CNOT4: variants seen among roughly 807,000 people sequenced by gnomAD.
CNOT4 encodes CCR4-associated factor 4.
A neutral mutation model predicts 73.8 loss-of-function variants in CNOT4; 8 were observed. The ratio of observed to expected loss-of-function variants is 0.11; its 90% confidence interval spans 0.06 to 0.20. The LOEUF is 0.20. Among genes scored for constraint, CNOT4 ranks in the 10% least tolerant of loss-of-function variants. CNOT4 has a pLI of 1.00. For synonymous variants in CNOT4, 293 were observed against 321.1 expected (o/e 0.91, Z 0.94); for missense variants, 564 against 883.4 (o/e 0.64, Z 4.58).
chr7:135,442,322 G>A (rs994310638), intron 1 of CNOT4, among the ~76,000 whole-genome samples: 1 of 152,166 alleles, frequency 6.6e-6, no homozygotes, highest in Non-Finnish European at 1.5e-5. Context: ...ACAGGGCGGC[G>A]CGGTGGCTCA....
intron 10 of CNOT4, among the ~76,000 whole-genome samples, chr7:135,368,340 A>C (rs1255944061): frequency 6.6e-6 from 1 of 152,162 alleles, no homozygotes; most frequent in Non-Finnish European, 1.5e-5. Context: ...AATCAGTATA[A>C]AATGCATATA....
At chr7:135,496,154 G>A (rs1052867569) in intron 1 of CNOT4, among the ~76,000 whole-genome samples, 2 of 151,510 alleles carry the variant, frequency 1.3e-5, no homozygotes, top group East Asian at 2.1e-4. Flanking sequence ...GTGCAGTGGC[G>A]CAATCTCCAC....
At chr7:135,462,986 T>A (rs1193991028) in intron 1 of CNOT4, among the ~76,000 whole-genome samples, 4 of 152,250 alleles carry the variant, frequency 2.6e-5, no homozygotes, top group Admixed American at 6.5e-5. Context: ...GGTTAGGCAA[T>A]CTTTTCCCCA....
intron 1 of CNOT4, among the ~76,000 whole-genome samples, chr7:135,458,346 C>CT (rs2129486196): frequency 6.6e-6 from 1 of 152,206 alleles, no homozygotes; most frequent in East Asian, 1.9e-4. Context: ...CAGTCACAGT[C>CT]TTTTTGCTGG....
At chr7:135,385,591 G>A (rs1403199194) in intron 10 of CNOT4, among the ~76,000 whole-genome samples, 1 of 152,166 alleles carries the variant, frequency 6.6e-6, no homozygotes, top group Non-Finnish European at 1.5e-5. Context: ...AGAGACATGA[G>A]CTCACACACA....
intron 2 of CNOT4, among the ~76,000 whole-genome samples, chr7:135,431,080 C>T (rs1380306587): frequency 6.6e-6 from 1 of 152,056 alleles, no homozygotes; most frequent in Non-Finnish European, 1.5e-5. Flanking sequence ...GCCTGGGCAA[C>T]ACAGCGAGAC....
chr7:135,424,066 C>G (rs997675196), intron 2 of CNOT4, among the ~76,000 whole-genome samples: 4 of 151,030 alleles, frequency 2.6e-5, no homozygotes, highest in African/African-American at 9.7e-5. Context: ...CACACACACA[C>G]ACACACACAC....
chr7:135,468,785 C>CA, intron 1 of CNOT4, among the ~76,000 whole-genome samples: 1 of 152,100 alleles, frequency 6.6e-6, no homozygotes, highest in Admixed American at 6.5e-5. Flanking sequence ...AGCAAATTAG[C>CA]ATGTAGTTCA....
Position 135,395,874 on chromosome 7 carries a change from T to C in CNOT4, c.889A>G (p.Ser297Gly), listed in dbSNP as rs1796651517. 6.2e-7 allele frequency: 1 copy of C among 1,603,142 alleles called. No homozygotes were observed. The highest frequency in any genetic ancestry group is 8.5e-7 in the Non-Finnish European group (1 of 1,170,220). Residue 297 changes from serine to glycine, a missense_variant, in exon 9 of 12, where the codon AGT (serine) becomes GGT (glycine). By Grantham distance (56) the Ser-to-Gly change is moderately conservative. Transcript: ENST00000541284. ...CCAGGTGGTGGTGAAGGCGTATCAC[T>C]GTTAGATATCTGAATAAAAAAGGAA... ...NGDNSQQISN[S>G]DTPSPPPGLS...
At chr7:135,442,324 G>A (rs552914581) in intron 1 of CNOT4, among the ~76,000 whole-genome samples, 19 of 152,302 alleles carry the variant, frequency 1.2e-4, no homozygotes, top group Middle Eastern at 3.4e-3. Context: ...AGGGCGGCGC[G>A]GTGGCTCATG....
chr7:135,494,080 A>C (rs1002028078), intron 1 of CNOT4, among the ~76,000 whole-genome samples: 3 of 151,920 alleles, frequency 2.0e-5, no homozygotes, highest in South Asian at 2.1e-4. Context: ...AAAAAAAAAA[A>C]AACTCAGAAA....
chr7:135,489,435 C>A (rs1802958957), intron 1 of CNOT4, among the ~76,000 whole-genome samples: 2 of 146,352 alleles, frequency 1.4e-5, no homozygotes, highest in African/African-American at 5.1e-5. Context: ...TCGCTCTGTC[C>A]CCCAGGCTGG....
intron 1 of CNOT4, among the ~76,000 whole-genome samples, chr7:135,492,483 T>G (rs1209411989): frequency 6.6e-6 from 1 of 152,140 alleles, no homozygotes; most frequent in Non-Finnish European, 1.5e-5. Context: ...CAAGGTACAG[T>G]GAAAAGGCAA....
chr7:135,482,059 T>C (rs1417112380), intron 1 of CNOT4, among the ~76,000 whole-genome samples: 1 of 152,200 alleles, frequency 6.6e-6, no homozygotes, highest in African/African-American at 2.4e-5. Context: ...CAAAGTACTG[T>C]GTATTTCAAA....
At chr7:135,398,913 T>C (rs1408711555) in intron 7 of CNOT4, among the ~76,000 whole-genome samples, 1 of 152,100 alleles carries the variant, frequency 6.6e-6, no homozygotes, top group Non-Finnish European at 1.5e-5. Flanking sequence ...TTAATATTTC[T>C]ATATACTAAT....
chr7:135,463,410 C>T (rs897095210), intron 1 of CNOT4, among the ~76,000 whole-genome samples: 12 of 151,530 alleles, frequency 7.9e-5, no homozygotes, highest in African/African-American at 1.9e-4. Context: ...TTGTGGCAGG[C>T]GCCTGTAATC....
At chr7:135,455,446 C>A (rs1199894897) in intron 1 of CNOT4, among the ~76,000 whole-genome samples, 1 of 151,960 alleles carries the variant, frequency 6.6e-6, no homozygotes, top group Non-Finnish European at 1.5e-5. Flanking sequence ...ATTCTATACA[C>A]ATTTAAAAAA....
At chr7:135,461,934 A>G (rs918505139) in intron 1 of CNOT4, among the ~76,000 whole-genome samples, 26 of 152,298 alleles carry the variant, frequency 1.7e-4, no homozygotes, top group African/African-American at 6.3e-4. Flanking sequence ...AATTTCAGTA[A>G]AATATCTTTA....
At chr7:135,473,688 A>C (rs1801791868) in intron 1 of CNOT4, among the ~76,000 whole-genome samples, 1 of 152,068 alleles carries the variant, frequency 6.6e-6, no homozygotes, top group Non-Finnish European at 1.5e-5. Context: ...AGGAGGCCGC[A>C]GTGAGCCGAG....
Sources: gnomAD v4.1 joint callset for allele counts (sites outside exome capture counted in the v4.1 genomes callset) on GRCh38, gnomAD v4.1.1 for gene constraint, MANE v1.5 for transcripts, NCBI Gene and HGNC (gene_info 2026-07-23, HGNC 2026-07-21) for gene names.